PCDHGA12: variants seen among roughly 807,000 people sequenced by gnomAD.
PCDHGA12 encodes protocadherin gamma-A12.
Under a neutral mutation model 61.1 loss-of-function variants are expected in PCDHGA12, and 43 were observed. The observed-to-expected ratio is 0.70, with a 90% CI of 0.55 to 0.91. PCDHGA12 has a LOEUF of 0.91. PCDHGA12 is among the 40% of genes least tolerant of loss of function. The probability of loss-of-function intolerance (pLI) is 0.00; values close to 1 mark genes in which losing one functional copy is unlikely to be tolerated. For synonymous variants in PCDHGA12, 520 were observed against 542.9 expected, an observed-to-expected ratio of 0.96 and a Z score of 0.59; for missense variants, 1,236 against 1,227.7, an observed-to-expected ratio of 1.01 and a Z score of -0.10.
chr5:141,487,667 A>G lies in PCDHGA12; in HGVS notation c.2425-7140A>G, dbSNP rs2099657916. ...GCTTGAGGGTTATTCTGATCCAGGC[A>G]TATGGCTAGGCCATGTCCTAGAGAG... On this transcript the variant is annotated intron_variant, in intron 1 of 3. Transcript: ENST00000252085. This position sits in a 1 kb window ranked among gnomAD's most constrained non-coding sequence, Gnocchi z 5.0. 6.2e-7 allele frequency: 1 copy of G among 1,612,782 alleles called. No individual in the cohort carries two copies. The highest frequency in any genetic ancestry group is 1.1e-5 in the South Asian group (1 of 90,692).
chr5:141,452,463 G>A (rs2098741767), intron 1 of PCDHGA12, among the ~76,000 whole-genome samples: 1 of 152,160 alleles, frequency 6.6e-6, no homozygotes, highest in African/African-American at 2.4e-5. Flanking sequence ...AGCAGACGGA[G>A]CTAGGAAAAA....
chr5:141,488,677 G>A (rs2099678276), intron 1 of PCDHGA12, among the ~76,000 whole-genome samples: 2 of 152,184 alleles, frequency 1.3e-5, no homozygotes, highest in African/African-American at 2.4e-5. Context: ...CATGGGCTTT[G>A]CCTCTCCCAG....
At chr5:141,468,737 G>A (rs1288031024) in intron 1 of PCDHGA12, among the ~76,000 whole-genome samples, 1 of 151,948 alleles carries the variant, frequency 6.6e-6, no homozygotes, top group African/African-American at 2.4e-5. Context: ...GTGGTGGCGG[G>A]TGCCTGTAGT....
intron 1 of PCDHGA12, among the ~76,000 whole-genome samples, chr5:141,447,896 G>C (rs2098554754): frequency 6.6e-6 from 1 of 152,022 alleles, no homozygotes; most frequent in African/African-American, 2.4e-5. Flanking sequence ...GACCAGCCTG[G>C]CCAACATGGT....
At chr5:141,446,169 C>A (rs920519501) in intron 1 of PCDHGA12, among the ~76,000 whole-genome samples, 1 of 152,014 alleles carries the variant, frequency 6.6e-6, no homozygotes, top group African/African-American at 2.4e-5. Flanking sequence ...TTCATGAGGG[C>A]AGGGGGTGTT....
intron 1 of PCDHGA12, among the ~76,000 whole-genome samples, chr5:141,484,321 G>A (rs2099594762): frequency 6.6e-6 from 1 of 152,124 alleles, no homozygotes; most frequent in Non-Finnish European, 1.5e-5. Flanking sequence ...CTTCCATACT[G>A]TCCTTGAAAT....
chr5:141,455,580 T>G (rs572453788), intron 1 of PCDHGA12, among the ~76,000 whole-genome samples: 26 of 152,142 alleles, frequency 1.7e-4, no homozygotes, highest in Middle Eastern at 3.2e-3. Context: ...ACCCCAGCCT[T>G]TTAATATGCA....
At position 141,477,632 on chromosome 5, in the gene PCDHGA12, G is replaced by A. The variant is rs1262622928; in HGVS notation, c.2425-17175G>A. Reference sequence around the variant, plus strand: ...GGAGCAAGGAGCTGAAACCGGGCTAGTGGGTCGCTATTTCACAATAAATCG... The same window carrying A: ...GGAGCAAGGAGCTGAAACCGGGCTAATGGGTCGCTATTTCACAATAAATCG... On this transcript the variant is annotated intron_variant, in intron 1 of 3. Coordinates refer to ENST00000252085, the MANE Select transcript of PCDHGA12 (RefSeq NM_003735.3). This position sits in a 1 kb window ranked among gnomAD's most constrained non-coding sequence, Gnocchi z 4.9. 6.8e-6 allele frequency: 11 copies of A among 1,614,218 alleles called. No homozygotes were observed. Among genetic ancestry groups the A allele is most frequent in the Non-Finnish European group, 9.3e-6 (11 of 1,180,046 alleles).
At chr5:141,439,472 A>G (rs1185561573) in intron 1 of PCDHGA12, among the ~76,000 whole-genome samples, 3 of 152,228 alleles carry the variant, frequency 2.0e-5, no homozygotes, top group Non-Finnish European at 4.4e-5. Flanking sequence ...GCTGCCTTTC[A>G]GCTTGCAAAT....
In PCDHGA12 at chr5:141,511,269, C is replaced by A; in HGVS notation, c.*96C>A. The A allele has an allele frequency of 1.3e-6, 2 of 1,546,672 alleles. No homozygotes were observed. Among genetic ancestry groups the A allele is most frequent in the Non-Finnish European group, 1.7e-6 (2 of 1,145,264 alleles). The stretch of plus-strand genomic sequence containing the variant: ...AGGCCTCAGAGTTTCAGGGCTAACC[C>A]CCAGAATACTGGTAGGGGCCAAGGC... On this transcript the variant is annotated 3_prime_UTR_variant, in exon 4 of 4. Transcript: ENST00000252085.
rs61612330 is a variant in PCDHGA12 at position 141,454,796 on chromosome 5, ATTTTTTTT to A, written c.2424+21635_2424+21642del. Reference sequence around the variant, plus strand: ...AAGGAAATAATCCTCCATGGTTCTAATTTTTTTTTTTTTTTTTTTTTTTTTTTTTGAGA... The same window carrying A: ...AAGGAAATAATCCTCCATGGTTCTAATTTTTTTTTTTTTTTTTTTTTGAGA... On this transcript the variant is annotated intron_variant, in intron 1 of 3. Transcript: ENST00000252085. Among the ~76,000 whole-genome samples, 398 of 77,454 alleles carry A rather than the reference ATTTTTTTT, an allele frequency of 5.1e-3. 2 individuals are homozygous for A. The highest frequency in any genetic ancestry group is 0.021 in the African/African-American group (363 of 16,886). 50.8% of individuals were successfully genotyped at this position (77,454 alleles called of 152,430 possible).
chr5:141,499,029 A>AAGGAAGGAAGGAAGGAAGG (rs1562187768), intron 2 of PCDHGA12, among the ~76,000 whole-genome samples: 3 of 140,076 alleles, frequency 2.1e-5, no homozygotes, highest in African/African-American at 8.3e-5. Flanking sequence ...AGGAAGGAAG[A>AAGGAAGGAAGGAAGGAAGG]AAAGAAAGAA....
intron 1 of PCDHGA12, among the ~76,000 whole-genome samples, chr5:141,451,804 C>G (rs914303400): frequency 9.2e-5 from 14 of 151,946 alleles, no homozygotes; most frequent in African/African-American, 3.4e-4. Context: ...TTGCTTGAAC[C>G]CAGGAGGCGG....
rs756330109 is a variant in PCDHGA12, at chr5:141,432,621, T to A, written c.1862T>A (p.Leu621Gln). ...GAGCCGGGACTCTTCTCGGTGGGTC[T>A]GCACACGGGCGAGGTGCGCACGGCG... The part of the protein sequence containing the change: ...ASEPGLFSVG[L>Q]HTGEVRTARA... The change falls in exon 1 of 4, where the codon CTG becomes CAG. Residue 621 changes from leucine to glutamine, a missense_variant. By Grantham distance (113) the Leu-to-Gln change is moderately radical. Transcript: ENST00000252085. This position sits in a 1 kb window ranked among gnomAD's most constrained non-coding sequence, Gnocchi z 6.0. The A allele has an allele frequency of 3.1e-6, 5 of 1,612,942 alleles. No homozygotes were observed. Among genetic ancestry groups the A allele is most frequent in the Admixed American group, 1.7e-5 (1 of 59,962 alleles).
At chr5:141,437,930 G>A (rs142381129) in intron 1 of PCDHGA12, among the ~76,000 whole-genome samples, 2,019 of 152,152 alleles carry the variant, frequency 0.013, 16 homozygotes, top group Middle Eastern at 0.034. Context: ...TAGAGATGGG[G>A]TTTCACCATA....
At chr5:141,484,644 A>G (rs1165542601) in intron 1 of PCDHGA12, among the ~76,000 whole-genome samples, 1 of 151,748 alleles carries the variant, frequency 6.6e-6, no homozygotes, top group African/African-American at 2.4e-5. Flanking sequence ...CCACTCTCCA[A>G]TGGCTACTCT....
In PCDHGA12 at chr5:141,431,141, G is replaced by A. The variant is rs1262504427; in HGVS notation, c.382G>A (p.Asp128Asn). 24 of 1,614,212 alleles carry A rather than the reference G, an allele frequency of 1.5e-5. No individual in the cohort carries two copies. The highest frequency in any genetic ancestry group is 2.0e-5 in the Non-Finnish European group (24 of 1,180,030). Residue 128 changes from aspartate (D) to asparagine (N), a missense_variant, in exon 1 of 4, where the codon GAC becomes AAC. Coordinates refer to ENST00000252085, the MANE Select transcript of PCDHGA12 (RefSeq NM_003735.3). The surrounding 1 kb of genome is among the most constrained non-coding windows in gnomAD (Gnocchi z 4.8). ...AGAAGTAGAAGTAAGGGACATTAAC[G>A]ACAATGCGCCTTACTTTCGTGAAAG... ...GVEVEVRDIN[D>N]NAPYFRESEL...
At chr5:141,488,991 T>G in intron 1 of PCDHGA12, 1 of 414,332 alleles carries the variant, frequency 2.4e-6, no homozygotes, top group Non-Finnish European at 4.3e-6. Flanking sequence ...AGAGCTGAGG[T>G]GGGAGATCTG....
chr5:141,490,399 C>T lies in PCDHGA12; in HGVS notation c.2425-4408C>T. The T allele has an allele frequency of 1.2e-6, 2 of 1,614,148 alleles. No homozygotes were observed. Among genetic ancestry groups the T allele is most frequent in the Non-Finnish European group, 1.7e-6 (2 of 1,180,016 alleles). On this transcript the variant is annotated intron_variant, in intron 1 of 3. Transcript: ENST00000252085. This position sits in a 1 kb window ranked among gnomAD's most constrained non-coding sequence, Gnocchi z 5.4. ...CTCAGGTAGAAATGGTGAAGTGAGC[C>T]TTGATATCTCTCCGGACCTGCCATT... is the stretch of plus-strand genomic sequence containing the variant.
Sources: gnomAD v4.1 joint callset for allele counts (sites outside exome capture counted in the v4.1 genomes callset) on GRCh38, gnomAD v4.1.1 for gene constraint, Gnocchi (gnomAD v3.1) non-coding constraint, MANE v1.5 for transcripts, NCBI Gene and HGNC (gene_info 2026-07-23, HGNC 2026-07-21) for gene names.